TMBIM6: variants seen among roughly 807,000 people sequenced by gnomAD.
The protein encoded by TMBIM6 is bax inhibitor 1.
TMBIM6 carries 13 observed loss-of-function variants against 31.4 expected under a neutral mutation model. That is an observed-to-expected ratio of 0.41 (90% CI 0.27 to 0.66). The LOEUF (loss-of-function observed/expected upper bound fraction) is 0.66, where lower values mean the gene tolerates loss of function less well. Ranked by LOEUF, TMBIM6 falls within the 30% of genes least tolerant of loss-of-function variation. The pLI is 0.28. For missense variants in TMBIM6, 275 were observed against 289.5 expected, an observed-to-expected ratio of 0.95 and a Z score of 0.36; for synonymous variants, 85 against 101.7, an observed-to-expected ratio of 0.84 and a Z score of 0.99.
intron 1 of TMBIM6, chr12:49,742,120 G>A: frequency 6.2e-7 from 1 of 1,607,730 alleles, no homozygotes; most frequent in Non-Finnish European, 8.5e-7. Context: ...CTCGAGGTAG[G>A]GCCTGGCGGG....
In TMBIM6 at chr12:49,763,021, G is replaced by T; in HGVS notation, c.*125G>T. On this transcript the variant is annotated 3_prime_UTR_variant, in exon 10 of 10. Transcript: ENST00000267115. ...CATCAGAAAAGCTTTTGTACTTTGTGGTTTCCTCTATTTTGAATTTTTTGA... is the reference window on the plus strand; with the variant it reads ...CATCAGAAAAGCTTTTGTACTTTGTTGTTTCCTCTATTTTGAATTTTTTGA... 8.9e-7 allele frequency: 1 copy of T among 1,123,620 alleles called. No individual in the cohort carries two copies. 69.6% of individuals were successfully genotyped at this position (1,123,620 alleles called of 1,614,324 possible).
At chr12:49,761,627 T>C (rs1592734300) in intron 8 of TMBIM6, 77 bp from the exon 9 acceptor site, 2 of 1,399,132 alleles carry the variant, frequency 1.4e-6, no homozygotes, top group South Asian at 1.2e-5. Context: ...AGGGGTGGGG[T>C]TTATATTCTG....
intron 8 of TMBIM6, among the ~76,000 whole-genome samples, chr12:49,760,083 G>C (rs1341430997): frequency 6.9e-6 from 1 of 145,040 alleles, no homozygotes; most frequent in Non-Finnish European, 1.5e-5. Flanking sequence ...CTGCACTCCA[G>C]CCTGGACGAC....
intron 1 of TMBIM6, among the ~76,000 whole-genome samples, chr12:49,749,271 TTC>T (rs1945450669): frequency 6.6e-6 from 1 of 152,170 alleles, no homozygotes; most frequent in Non-Finnish European, 1.5e-5. Context: ...GACCTATGTA[TTC>T]CCTCTCACAT....
intron 1 of TMBIM6, chr12:49,742,233 G>C: frequency 6.2e-7 from 1 of 1,612,886 alleles, no homozygotes; most frequent in Non-Finnish European, 8.5e-7. Flanking sequence ...CTGCCTTCCA[G>C]GCCCACGGGG....
At position 49,764,084 on chromosome 12, in the gene TMBIM6, T is replaced by G. The variant is rs551243245; in HGVS notation, c.*1188T>G. 2.0e-5 allele frequency: 3 copies of G among 152,210 alleles called. No individual in the cohort carries two copies. The highest frequency in any genetic ancestry group is 7.2e-5 in the African/African-American group (3 of 41,436). The allele number at this position is 152,210 out of a possible 1,614,324, so 9.4% of individuals were successfully genotyped here. On this transcript the variant is annotated 3_prime_UTR_variant, in exon 10 of 10. Coordinates refer to ENST00000267115, the MANE Select transcript of TMBIM6 (RefSeq NM_003217.3). ...GTCTGTTACCTGTTTTCCAGAAATT[T>G]GTGGCCTTTTAGGCGGGAGTTAGGC...
At chr12:49,756,122 C>T (rs369626196) in intron 4 of TMBIM6, among the ~76,000 whole-genome samples, 9 of 151,620 alleles carry the variant, frequency 5.9e-5, no homozygotes, top group East Asian at 5.8e-4. Flanking sequence ...CATGAGCCAC[C>T]GTGCCTGGCC....
At chr12:49,744,267 G>A (rs992168789) in intron 1 of TMBIM6, 1 of 152,142 alleles carries the variant, frequency 6.6e-6, no homozygotes, top group East Asian at 1.9e-4. Context: ...ATTTTATTTC[G>A]TAAACTGCCC....
In TMBIM6 at chr12:49,755,758, AC is replaced by A. The variant is rs756375657; in HGVS notation, c.286+4del. The A allele has an allele frequency of 1.2e-6, 2 of 1,612,770 alleles. No homozygotes were observed. The highest frequency in any genetic ancestry group is 1.1e-5 in the South Asian group (1 of 90,860). ...TGCTGGATTTGCATTCCTTACAGGTACGTTAAGGGATTTGTCTAATTTTGAG... is the reference window on the plus strand; with the variant it reads ...TGCTGGATTTGCATTCCTTACAGGTAGTTAAGGGATTTGTCTAATTTTGAG... On this transcript the variant is annotated splice_donor_region_variant and intron_variant, in intron 4 of 9. Transcript: ENST00000267115.
At chr12:49,741,964 G>A in intron 1 of TMBIM6, 1 of 947,870 alleles carries the variant, frequency 1.1e-6, no homozygotes, top group Non-Finnish European at 1.5e-6. Context: ...TAGACGCAGG[G>A]CCCCTTGGCC....
At chr12:49,742,112 C>G (rs761815903) in intron 1 of TMBIM6, 5 of 1,605,218 alleles carry the variant, frequency 3.1e-6, no homozygotes, top group African/African-American at 2.7e-5. Context: ...AGCCAAGACT[C>G]GAGGTAGGGC....
At chr12:49,752,641 C>A in intron 2 of TMBIM6, 92 bp downstream of exon 2, 1 of 1,106,460 alleles carries the variant, frequency 9.0e-7, no homozygotes, top group Non-Finnish European at 1.3e-6. Flanking sequence ...TGTGTATAAG[C>A]TAACAAATTA....
At chr12:49,743,719 C>A (rs1358212711) in intron 1 of TMBIM6, among the ~76,000 whole-genome samples, 1 of 152,088 alleles carries the variant, frequency 6.6e-6, no homozygotes, top group Non-Finnish European at 1.5e-5. Context: ...GATTTGTTTT[C>A]ACCTATGGCT....
chr12:49,762,817 T>G lies in TMBIM6; in HGVS notation c.691-56T>G, dbSNP rs1229542501. On this transcript the variant is annotated intron_variant, in intron 9 of 9. Coordinates refer to ENST00000267115, the MANE Select transcript of TMBIM6 (RefSeq NM_003217.3). ...CTAACTAAATGCTCACTCAAGAGTT[T>G]TAGCTTGAATGTCAAATGTCAAAAA... The G allele has an allele frequency of 9.0e-6, 14 of 1,563,788 alleles. No individual in the cohort carries two copies. The South Asian group carries it at 1.5e-4, about 16-fold the overall frequency.
At chr12:49,749,061 T>C (rs1945446840) in intron 1 of TMBIM6, among the ~76,000 whole-genome samples, 1 of 152,238 alleles carries the variant, frequency 6.6e-6, no homozygotes, top group Non-Finnish European at 1.5e-5. Flanking sequence ...AACTTAATCT[T>C]GTTTGGCTGA....
At chr12:49,746,403 A>T (rs1295646074) in intron 1 of TMBIM6, among the ~76,000 whole-genome samples, 1 of 152,192 alleles carries the variant, frequency 6.6e-6, no homozygotes, top group Admixed American at 6.5e-5. Flanking sequence ...TACTGAAGAT[A>T]TTGTAGTAAT....
chr12:49,761,572 T>C (rs1201095700), intron 8 of TMBIM6, 132 bp from the exon 9 acceptor site: 2 of 721,178 alleles, frequency 2.8e-6, no homozygotes, highest in Non-Finnish European at 4.6e-6. Flanking sequence ...GAGTTTTACT[T>C]CCTTAGTTGG....
At chr12:49,750,458 C>T (rs1945474834) in intron 1 of TMBIM6, among the ~76,000 whole-genome samples, 1 of 152,142 alleles carries the variant, frequency 6.6e-6, no homozygotes, top group South Asian at 2.1e-4. Flanking sequence ...AATGGGAAAC[C>T]TTAAACAAAG....
At chr12:49,741,875 A>G (rs377572597) in intron 1 of TMBIM6, 58 of 511,556 alleles carry the variant, frequency 1.1e-4, no homozygotes, top group African/African-American at 1.1e-3. Context: ...CGAGGCCTCT[A>G]TTCTGCCCCA....
Sources: allele counts gnomAD v4.1 joint callset (sites outside exome capture counted in the v4.1 genomes callset), GRCh38; gene constraint gnomAD v4.1.1; transcripts MANE v1.5; gene names NCBI Gene and HGNC (gene_info 2026-07-23, HGNC 2026-07-21).